JMJD1C: variants seen among roughly 807,000 people sequenced by gnomAD.
The protein encoded by JMJD1C is jumonji domain containing 1C.
Under a neutral mutation model 245.3 loss-of-function variants are expected in JMJD1C, and 31 were observed. The observed-to-expected ratio is 0.13, with a 90% CI of 0.09 to 0.17. JMJD1C has a LOEUF of 0.17. JMJD1C is among the 10% of genes least tolerant of loss of function. JMJD1C has a pLI of 1.00. For synonymous variants in JMJD1C, 1,057 were observed against 1,017.4 expected (o/e 1.04, Z -0.74); for missense variants, 2,691 against 3,000.2 (o/e 0.90, Z 2.41).
intron 2 of JMJD1C, among the ~76,000 whole-genome samples, chr10:63,329,478 GAAAA>G (rs61422373): frequency 1.7e-5 from 2 of 116,966 alleles, no homozygotes; most frequent in Non-Finnish European, 1.7e-5. Flanking sequence ...TCCATCAATT[GAAAA>G]AAAAAAAAAA....
At chr10:63,182,154 G>C (rs947991604) in intron 22 of JMJD1C, among the ~76,000 whole-genome samples, 1 of 152,192 alleles carries the variant, frequency 6.6e-6, no homozygotes, top group Non-Finnish European at 1.5e-5. Flanking sequence ...TATACAACTG[G>C]TGATCTATTT....
chr10:63,238,132 G>C (rs1012055449), intron 3 of JMJD1C, among the ~76,000 whole-genome samples: 5 of 136,514 alleles, frequency 3.7e-5, no homozygotes, highest in African/African-American at 1.4e-4. Flanking sequence ...AGCAAGCCAA[G>C]ATTGTGCCAC....
At chr10:63,480,323 A>ATTT (rs35705943) in intron 1 of JMJD1C, among the ~76,000 whole-genome samples, 2 of 145,982 alleles carry the variant, frequency 1.4e-5, no homozygotes, top group African/African-American at 5.1e-5. Flanking sequence ...CTATAGTTTG[A>ATTT]TTTTTTTTTT....
intron 10 of JMJD1C, chr10:63,204,264 C>T: frequency 2.0e-6 from 2 of 985,252 alleles, no homozygotes; most frequent in Non-Finnish European, 1.2e-6. Context: ...CATAAAACAG[C>T]CTCTCTAAAG....
chr10:63,176,282 T>C lies in JMJD1C; in HGVS notation c.7401+15A>G, dbSNP rs1458688536. The C allele has an allele frequency of 1.9e-6, 3 of 1,544,798 alleles. No homozygotes were observed. The African/African-American group carries it at 4.1e-5, about 21-fold the overall frequency. ...CAGTCAGTAAAAAATATGTTAGAAA[T>C]AAGTTTGTATATACCTGATGAAGTG... On this transcript the variant is annotated intron_variant, in intron 24 of 25. Transcript: ENST00000399262.
chr10:63,279,533 A>C (rs1485842475), intron 2 of JMJD1C, among the ~76,000 whole-genome samples: 1 of 152,228 alleles, frequency 6.6e-6, no homozygotes, highest in Non-Finnish European at 1.5e-5. Context: ...CTCACACCAT[A>C]ATCTCAGCAC....
At chr10:63,335,770 C>T (rs931493606) in intron 2 of JMJD1C, among the ~76,000 whole-genome samples, 2 of 152,030 alleles carry the variant, frequency 1.3e-5, no homozygotes, top group Non-Finnish European at 2.9e-5. Context: ...CTCGGCCTCC[C>T]GAAGTGTTGA....
At chr10:63,405,316 A>AT (rs60087645) in intron 1 of JMJD1C, among the ~76,000 whole-genome samples, 5 of 99,452 alleles carry the variant, frequency 5.0e-5, no homozygotes, top group South Asian at 3.4e-4. Flanking sequence ...CCACATGTAG[A>AT]TTTTTTTTTT....
chr10:63,362,955 T>C (rs977217120), intron 2 of JMJD1C, among the ~76,000 whole-genome samples: 8 of 152,152 alleles, frequency 5.3e-5, no homozygotes, highest in Admixed American at 3.9e-4. Context: ...CCAGTATTTA[T>C]TATTGTTCTT....
At chr10:63,463,703 C>T (rs1952966146) in intron 1 of JMJD1C, among the ~76,000 whole-genome samples, 1 of 152,058 alleles carries the variant, frequency 6.6e-6, no homozygotes, top group Non-Finnish European at 1.5e-5. Flanking sequence ...GTTCAACATA[C>T]ATTTTTCTTT....
intron 10 of JMJD1C, chr10:63,204,124 T>C (rs1846333493): frequency 1.0e-6 from 1 of 960,152 alleles, no homozygotes; most frequent in African/African-American, 1.8e-5. Flanking sequence ...AGACTGTCTC[T>C]AAAAAATATT....
intron 1 of JMJD1C, among the ~76,000 whole-genome samples, chr10:63,449,478 A>C (rs1349237059): frequency 6.6e-6 from 1 of 152,180 alleles, no homozygotes; most frequent in African/African-American, 2.4e-5. Context: ...CTATGAATGA[A>C]AAAAGCTACC....
At chr10:63,234,330 C>G (rs112325786) in intron 3 of JMJD1C, among the ~76,000 whole-genome samples, 3,735 of 151,146 alleles carry the variant, frequency 0.025, 113 homozygotes, top group African/African-American at 0.069. Context: ...CCTGTTTCTA[C>G]AAGAAATACA....
chr10:63,333,969 A>T (rs1942431750), intron 2 of JMJD1C, among the ~76,000 whole-genome samples: 1 of 152,236 alleles, frequency 6.6e-6, no homozygotes, highest in African/African-American at 2.4e-5. Flanking sequence ...ATTAAAAAAA[A>T]TAATGTATTA....
intron 2 of JMJD1C, 71 bp downstream of exon 2, chr10:63,380,247 G>C (rs780517169): frequency 6.6e-7 from 1 of 1,520,050 alleles, no homozygotes; most frequent in Non-Finnish European, 9.1e-7. Flanking sequence ...CCTGGCCTTT[G>C]TTTTGTTGTT....
Position 63,465,369 on chromosome 10 carries a change from T to G in JMJD1C, c.168+126A>C. The G allele has an allele frequency of 6.0e-6, 6 of 1,003,396 alleles. 1 individual carries two copies. The highest frequency in any genetic ancestry group is 8.6e-6 in the Non-Finnish European group (6 of 700,418). 62.2% of individuals were successfully genotyped at this position (1,003,396 alleles called of 1,614,324 possible). ...GGATGCGGGCAAACGCGCCAAGGGT[T>G]CAGCAGAGGGGCGTGACCGCCAGTT... On this transcript the variant is annotated intron_variant, in intron 1 of 25. Transcript: ENST00000399262.
intron 2 of JMJD1C, among the ~76,000 whole-genome samples, chr10:63,340,369 C>G (rs902180830): frequency 6.6e-6 from 1 of 152,218 alleles, no homozygotes; most frequent in Admixed American, 6.5e-5. Context: ...CAATGGCAGG[C>G]TCCACATGGA....
rs1186976974 is a variant in JMJD1C at position 63,389,323 on chromosome 10, AAAAAAG to A, written c.169-8847_169-8842del. Among the ~76,000 whole-genome samples the A allele has an allele frequency of 3.2e-3, 482 of 150,238 alleles. 4 individuals carry two copies. Among genetic ancestry groups the A allele is most frequent in the African/African-American group, 9.4e-3 (387 of 41,026 alleles). On this transcript the variant is annotated intron_variant, in intron 1 of 25. Coordinates refer to ENST00000399262, the MANE Select transcript of JMJD1C (RefSeq NM_032776.3). ...TGAGACCCTGTCTCAAAAAAAAAAA[AAAAAAG>A]AAAAAGAAAAAAGATCTAAATGGAG...
intron 1 of JMJD1C, among the ~76,000 whole-genome samples, chr10:63,521,040 A>G (rs138631212): frequency 1.7e-3 from 255 of 152,198 alleles, no homozygotes; most frequent in South Asian, 3.5e-3. Context: ...TCCTGCGAAT[A>G]TCTCACTTTT....
Sources: allele counts gnomAD v4.1 joint callset (sites outside exome capture counted in the v4.1 genomes callset), GRCh38; gene constraint gnomAD v4.1.1; transcripts MANE v1.5; gene names NCBI Gene and HGNC (gene_info 2026-07-23, HGNC 2026-07-21).